Variants in CCDC170 observed in about 807,000 individuals in gnomAD.
CCDC170 encodes the protein coiled-coil domain-containing protein 170.
A neutral mutation model predicts 72.6 loss-of-function variants in CCDC170; 69 were observed. The observed-to-expected ratio is 0.95, with a 90% CI of 0.78 to 1.16. The LOEUF is 1.16. CCDC170 is among the 50% of genes most tolerant of loss of function. The probability of loss-of-function intolerance (pLI) is 0.00; values close to 1 mark genes in which losing one functional copy is unlikely to be tolerated. For missense variants in CCDC170, 852 were observed against 832.5 expected (o/e 1.02, Z -0.29); for synonymous variants, 300 against 303.9 (o/e 0.99, Z 0.13).
At chr6:151,580,691 T>C (rs1258282580) in intron 6 of CCDC170, among the ~76,000 whole-genome samples, 1 of 152,176 alleles carries the variant, frequency 6.6e-6, no homozygotes, top group Non-Finnish European at 1.5e-5. Context: ...CACAGAAGTG[T>C]TAAATTAATT....
Position 151,494,058 on chromosome 6 carries a change from G to C in CCDC170, c.-71G>C. ...GCCCGAGGAGACACCCGCGCCACCC[G>C]CCGGCTCCCGGCGCCGCCGCTTCCT... On this transcript the variant is annotated 5_prime_UTR_variant, in exon 1 of 11. Transcript: ENST00000239374. 1 of 1,393,342 alleles carries C rather than the reference G, an allele frequency of 7.2e-7. No individual in the cohort carries two copies. Among genetic ancestry groups the C allele is most frequent in the Admixed American group, 3.2e-5 (1 of 31,426 alleles). 86.3% of individuals were successfully genotyped at this position (1,393,342 alleles called of 1,614,324 possible).
rs1782945072 is a variant in CCDC170, at chr6:151,554,715, C to G, written c.774+6226C>G. On this transcript the variant is annotated intron_variant, in intron 5 of 10. Coordinates refer to ENST00000239374, the MANE Select transcript of CCDC170 (RefSeq NM_025059.4). ...CTCCAGTCTGGGCGACAAAGCTGGA[C>G]TCTGTCTCAAAAAAAAGAGAGAGCA... 2.6e-5 allele frequency among the ~76,000 whole-genome samples: 4 copies of G among 151,896 alleles called. 1 individual carries two copies. The South Asian group carries it at 6.2e-4, about 24-fold the overall frequency.
At chr6:151,526,324 T>A (rs1782410336) in intron 1 of CCDC170, among the ~76,000 whole-genome samples, 1 of 151,398 alleles carries the variant, frequency 6.6e-6, no homozygotes, top group Admixed American at 6.6e-5. Flanking sequence ...TAGGTTCAAG[T>A]CATTCTCCTG....
At chr6:151,613,710 G>A (rs1280945722) in intron 9 of CCDC170, among the ~76,000 whole-genome samples, 2 of 152,052 alleles carry the variant, frequency 1.3e-5, no homozygotes, top group African/African-American at 4.8e-5. Context: ...CCATTGTATG[G>A]CTATACCACA....
intron 9 of CCDC170, among the ~76,000 whole-genome samples, chr6:151,600,228 G>A (rs946143709): frequency 1.3e-5 from 2 of 152,088 alleles, no homozygotes; most frequent in Non-Finnish European, 2.9e-5. Context: ...CAGATTACCG[G>A]TATCAGCTAT....
intron 5 of CCDC170, among the ~76,000 whole-genome samples, chr6:151,554,945 C>T (rs1782951153): frequency 7.0e-6 from 1 of 141,888 alleles, no homozygotes; most frequent in South Asian, 2.4e-4. Context: ...GTGGTGTGAC[C>T]TCGGCTCACT....
At chr6:151,544,749 G>T in intron 4 of CCDC170, 33 bp downstream of exon 4, 1 of 1,577,368 alleles carries the variant, frequency 6.3e-7, no homozygotes, top group Non-Finnish European at 8.7e-7. Context: ...GTCTATAAAT[G>T]TAGTGGTGAT....
chr6:151,549,666 A>AATTAATATATT (rs1782846011), intron 5 of CCDC170, among the ~76,000 whole-genome samples: 1 of 152,076 alleles, frequency 6.6e-6, no homozygotes, highest in South Asian at 2.1e-4. Flanking sequence ...GCCTCAAGTG[A>AATTAATATATT]TCCTCCCACT....
chr6:151,581,695 C>T (rs1315141177), intron 6 of CCDC170, among the ~76,000 whole-genome samples: 2 of 152,206 alleles, frequency 1.3e-5, no homozygotes, highest in Non-Finnish European at 2.9e-5. Flanking sequence ...TCTATGGCAG[C>T]TGTAGCCTTA....
chr6:151,554,355 TA>T (rs1562280501), intron 5 of CCDC170, among the ~76,000 whole-genome samples: 21 of 152,182 alleles, frequency 1.4e-4, no homozygotes, highest in African/African-American at 4.8e-4. Flanking sequence ...AAAGTGGTGT[TA>T]GAGTCAGGCA....
At chr6:151,508,564 T>A (rs557596799) in intron 1 of CCDC170, among the ~76,000 whole-genome samples, 1 of 151,024 alleles carries the variant, frequency 6.6e-6, no homozygotes, top group East Asian at 2.0e-4. Flanking sequence ...ACCCCAAAAA[T>A]TAGCCGGGAG....
rs965596940 is a variant in CCDC170 at position 151,563,124 on chromosome 6, G to T, written c.775-10050G>T. ...TTGTCTGTCTTCCTTTTCCGGGATG[G>T]TGCCATTCTGTGTAGGGAAGGGGAG... On this transcript the variant is annotated intron_variant, in intron 5 of 10. Coordinates refer to ENST00000239374, the MANE Select transcript of CCDC170 (RefSeq NM_025059.4). Among the ~76,000 whole-genome samples, 13 of 152,244 alleles carry T rather than the reference G, an allele frequency of 8.5e-5. No individual in the cohort carries two copies. In the South Asian group the frequency reaches 1.5e-3, roughly 17 times the overall value.
At chr6:151,536,707 G>A (rs140337376) in intron 2 of CCDC170, among the ~76,000 whole-genome samples, 2,047 of 149,762 alleles carry the variant, frequency 0.014, 53 homozygotes, top group African/African-American at 0.048. Flanking sequence ...TCCGGGAGGT[G>A]GAGGTTGCAG....
intron 4 of CCDC170, 66 bp downstream of exon 4, chr6:151,544,782 A>G: frequency 2.0e-6 from 3 of 1,520,206 alleles, no homozygotes; most frequent in South Asian, 2.5e-5. Flanking sequence ...CATGAAAGGA[A>G]GTGCTGTGGT....
intron 5 of CCDC170, among the ~76,000 whole-genome samples, chr6:151,558,945 C>T (rs184194443): frequency 7.1e-4 from 108 of 151,076 alleles, no homozygotes; most frequent in Middle Eastern, 3.4e-3. Flanking sequence ...ATTAATGTTT[C>T]GACAGGGATT....
intron 1 of CCDC170, among the ~76,000 whole-genome samples, chr6:151,510,420 A>G (rs908231564): frequency 1.3e-5 from 2 of 152,334 alleles, no homozygotes; most frequent in East Asian, 3.9e-4. Context: ...AAGCATTTTA[A>G]TGTTTTCTGA....
intron 6 of CCDC170, among the ~76,000 whole-genome samples, chr6:151,579,335 A>T (rs1453292491): frequency 6.6e-6 from 1 of 152,174 alleles, no homozygotes; most frequent in African/African-American, 2.4e-5. Context: ...TGGAAAGTTA[A>T]TTTATTTGAA....
At chr6:151,551,103 A>G (rs898487560) in intron 5 of CCDC170, among the ~76,000 whole-genome samples, 1 of 152,232 alleles carries the variant, frequency 6.6e-6, no homozygotes, top group South Asian at 2.1e-4. Context: ...GTGAAGGAAT[A>G]TGACAATGAT....
chr6:151,523,703 C>T (rs1196712697), intron 1 of CCDC170, among the ~76,000 whole-genome samples: 1 of 147,872 alleles, frequency 6.8e-6, no homozygotes, highest in African/African-American at 2.5e-5. Context: ...AAAAAAAAAT[C>T]ATTGAATTCT....
Sources: allele counts gnomAD v4.1 joint callset (sites outside exome capture counted in the v4.1 genomes callset), GRCh38; gene constraint gnomAD v4.1.1; transcripts MANE v1.5; gene names NCBI Gene and HGNC (gene_info 2026-07-23, HGNC 2026-07-21).